Variants in SLC35F4 observed in about 807,000 individuals in gnomAD.
SLC35F4 encodes the protein chromosome 14 open reading frame 36.
A neutral mutation model predicts 44.2 loss-of-function variants in SLC35F4; 24 were observed. The ratio of observed to expected loss-of-function variants is 0.54; its 90% CI spans 0.39 to 0.76. The LOEUF is 0.76. Among genes scored for constraint, SLC35F4 ranks in the 30% least tolerant of loss-of-function variants. SLC35F4 has a pLI of 0.00. For missense variants in SLC35F4, 562 were observed against 586.1 expected, an observed-to-expected ratio of 0.96 and a Z score of 0.42; for synonymous variants, 238 against 223.6, an observed-to-expected ratio of 1.06 and a Z score of -0.57.
rs73304814 is a variant in SLC35F4, at chr14:57,808,557, T to C, written c.103+57166A>G. Among the ~76,000 whole-genome samples, 86 of 152,070 alleles carry C rather than the reference T, an allele frequency of 5.7e-4. 1 individual carries two copies. The highest frequency in any genetic ancestry group is 2.0e-3 in the African/African-American group (84 of 41,312). On this transcript the variant is annotated intron_variant, in intron 1 of 7. Transcript: ENST00000556826. ...AATTAAAATGAAATACACAGAGTAA[T>C]AGCCAGTCAATTTATAAAAATATAC... is the stretch of plus-strand genomic sequence containing the variant.
intron 1 of SLC35F4, among the ~76,000 whole-genome samples, chr14:57,738,748 C>CATATATATATATAT (rs36212594): frequency 1.9e-4 from 21 of 110,278 alleles, no homozygotes; most frequent in Admixed American, 3.9e-4. Context: ...TTTGAATTTT[C>CATATATATATATAT]ATATATATAT....
chr14:57,588,935 C>T (rs995419132), intron 3 of SLC35F4, among the ~76,000 whole-genome samples: 9 of 151,972 alleles, frequency 5.9e-5, no homozygotes, highest in African/African-American at 2.2e-4. Flanking sequence ...GAATTTGTGT[C>T]CTCTTGTCTT....
chr14:57,678,622 C>T (rs1464832357), intron 1 of SLC35F4, among the ~76,000 whole-genome samples: 1 of 151,634 alleles, frequency 6.6e-6, no homozygotes, highest in Non-Finnish European at 1.5e-5. Context: ...ATTCAGGAGA[C>T]CCATCGCAAG....
intron 1 of SLC35F4, among the ~76,000 whole-genome samples, chr14:57,900,005 C>G (rs1254517306): frequency 6.6e-6 from 1 of 152,114 alleles, no homozygotes; most frequent in Non-Finnish European, 1.5e-5. Flanking sequence ...CTCCCATGTT[C>G]CATTTTTGTC....
intron 1 of SLC35F4, among the ~76,000 whole-genome samples, chr14:57,981,123 A>C (rs1881367720): frequency 6.6e-6 from 1 of 152,210 alleles, no homozygotes. Context: ...CAGCCCGGGC[A>C]CTTGGGAACA....
At chr14:57,653,333 T>G (rs1241357640) in intron 1 of SLC35F4, among the ~76,000 whole-genome samples, 1 of 152,068 alleles carries the variant, frequency 6.6e-6, no homozygotes, top group Non-Finnish European at 1.5e-5. Flanking sequence ...GGGAAACAAC[T>G]GACAAGGGAG....
chr14:57,869,326 G>C (rs1888247489), upstream of SLC35F4, among the ~76,000 whole-genome samples: 1 of 151,704 alleles, frequency 6.6e-6, no homozygotes, highest in Non-Finnish European at 1.5e-5. Flanking sequence ...ATGATCACTG[G>C]GTATAAATTT....
intron 1 of SLC35F4, among the ~76,000 whole-genome samples, chr14:57,795,997 T>C (rs2078045879): frequency 6.6e-6 from 1 of 152,146 alleles, no homozygotes; most frequent in Admixed American, 6.6e-5. Flanking sequence ...TTTCCTTGTG[T>C]CCATATGTAC....
At chr14:57,640,714 G>A (rs1396594386) in intron 1 of SLC35F4, among the ~76,000 whole-genome samples, 1 of 151,882 alleles carries the variant, frequency 6.6e-6, no homozygotes, top group Non-Finnish European at 1.5e-5. Context: ...ATATCATTTT[G>A]GATAGCATAT....
rs59027196 is a variant in SLC35F4, at chr14:57,950,675, C to CTTTTTTTTTTTTTTT, written n.282+31237_282+31238insAAAAAAAAAAAAAAA. ...GACTCTTTGTTTCTTTTCTTTCTTT[C>CTTTTTTTTTTTTTTT]TTTTTTTTTTTTGAGACAGAGTCTT... On this transcript the variant is annotated intron_variant and non_coding_transcript_variant, in intron 1 of 1. Coordinates refer to the SLC35F4 transcript ENST00000556568. Among the ~76,000 whole-genome samples the CTTTTTTTTTTTTTTT allele has an allele frequency of 3.7e-4, 47 of 127,156 alleles. No individual in the cohort carries two copies. In the East Asian group the frequency reaches 7.1e-3, roughly 19 times the overall value. The allele number at this position is 127,156 out of a possible 152,430, so 83.4% of individuals were successfully genotyped here.
At chr14:57,702,770 G>A (rs997361248) in intron 1 of SLC35F4, among the ~76,000 whole-genome samples, 1 of 152,108 alleles carries the variant, frequency 6.6e-6, no homozygotes, top group African/African-American at 2.4e-5. Flanking sequence ...TCTGCACGAT[G>A]TTCCTTCCGT....
chr14:57,675,835 GA>G (rs1404010530), intron 1 of SLC35F4, among the ~76,000 whole-genome samples: 1 of 151,906 alleles, frequency 6.6e-6, no homozygotes, highest in African/African-American at 2.4e-5. Context: ...TGTGTATAAA[GA>G]CTTAAATCAA....
chr14:57,736,972 T>C lies in SLC35F4; in HGVS notation c.103+128751A>G, dbSNP rs144508823. ...TGTTTTTTTTCTATAAATCAATGATTAGTATCTTTCTTCTTAAAGGATTTT... is the reference window on the plus strand; with the variant it reads ...TGTTTTTTTTCTATAAATCAATGATCAGTATCTTTCTTCTTAAAGGATTTT... On this transcript the variant is annotated intron_variant, in intron 1 of 7. Coordinates refer to ENST00000556826, the MANE Select transcript of SLC35F4 (RefSeq NM_001306087.2). 2.6e-3 allele frequency among the ~76,000 whole-genome samples: 398 copies of C among 152,296 alleles called. 4 individuals carry two copies. Among genetic ancestry groups the C allele is most frequent in the African/African-American group, 8.8e-3 (367 of 41,566 alleles).
At chr14:57,690,192 C>A (rs2075188712) in intron 1 of SLC35F4, among the ~76,000 whole-genome samples, 1 of 152,196 alleles carries the variant, frequency 6.6e-6, no homozygotes, top group Non-Finnish European at 1.5e-5. Context: ...ACACTTTTTA[C>A]AAATCCCCAT....
At chr14:57,717,480 C>CA (rs1436594259) in intron 1 of SLC35F4, among the ~76,000 whole-genome samples, 6 of 151,992 alleles carry the variant, frequency 3.9e-5, no homozygotes, top group African/African-American at 9.7e-5. Context: ...ACTAAAAATA[C>CA]AAAAAATTAG....
At chr14:57,675,550 G>A (rs2074665146) in intron 1 of SLC35F4, among the ~76,000 whole-genome samples, 1 of 152,026 alleles carries the variant, frequency 6.6e-6, no homozygotes, top group Non-Finnish European at 1.5e-5. Context: ...CCAGTACTAT[G>A]TTGACTATAA....
At chr14:57,719,056 G>GAT (rs578001674) in intron 1 of SLC35F4, among the ~76,000 whole-genome samples, 176 of 152,254 alleles carry the variant, frequency 1.2e-3, no homozygotes, top group African/African-American at 4.1e-3. Context: ...TCGGCATGTG[G>GAT]ATATCTAGTT....
At chr14:57,712,751 C>A (rs1482276466) in intron 1 of SLC35F4, among the ~76,000 whole-genome samples, 1 of 152,122 alleles carries the variant, frequency 6.6e-6, no homozygotes, top group Non-Finnish European at 1.5e-5. Context: ...GAAAATAATG[C>A]ATATTTATAT....
chr14:57,869,052 AT>A (rs1888240867), upstream of SLC35F4, among the ~76,000 whole-genome samples: 1 of 152,144 alleles, frequency 6.6e-6, no homozygotes. Flanking sequence ...CTCTTCAGGA[AT>A]TTTTTAATGC....
Sources: gnomAD v4.1 joint callset for allele counts (sites outside exome capture counted in the v4.1 genomes callset) on GRCh38, gnomAD v4.1.1 for gene constraint, MANE v1.5 for transcripts, NCBI Gene and HGNC (gene_info 2026-07-23, HGNC 2026-07-21) for gene names.